GLIS3: variants seen among roughly 807,000 people sequenced by gnomAD.
GLIS3 encodes zinc finger protein GLIS3.
GLIS3 carries 53 observed loss-of-function variants against 78.6 expected under a neutral mutation model. The observed-to-expected ratio is 0.67, with a 90% CI of 0.54 to 0.85. The LOEUF is 0.85. Among genes scored for constraint, GLIS3 ranks in the 40% least tolerant of loss-of-function variants. The pLI, the probability that GLIS3 is intolerant of heterozygous loss-of-function variation, is 0.00. For synonymous variants in GLIS3, 684 were observed against 509.9 expected (o/e 1.34, Z -4.60); for missense variants, 1,703 against 1,231.1 (o/e 1.38, Z -5.74).
chr9:4,254,888 C>A (rs1824769176), intron 2 of GLIS3, among the ~76,000 whole-genome samples: 1 of 151,568 alleles, frequency 6.6e-6, no homozygotes, highest in Non-Finnish European at 1.5e-5. Context: ...TGACAGACAC[C>A]TTCAAGGGAA....
intron 9 of GLIS3, among the ~76,000 whole-genome samples, chr9:3,832,647 A>C (rs1818115171): frequency 1.3e-5 from 2 of 152,222 alleles, no homozygotes; most frequent in African/African-American, 4.8e-5. Context: ...AGGCACAGGC[A>C]AATATGGCAG....
chr9:4,396,681 A>G, the GLIS3 span, among the ~76,000 whole-genome samples: 1 of 152,214 alleles, frequency 6.6e-6, no homozygotes, highest in Non-Finnish European at 1.5e-5. Context: ...ATGAGAGGTA[A>G]GTAGCCCCTC....
At chr9:4,288,776 A>G (rs569907061) in intron 1 of GLIS3, among the ~76,000 whole-genome samples, 48 of 152,234 alleles carry the variant, frequency 3.2e-4, no homozygotes, top group African/African-American at 9.9e-4. Context: ...TTTTATTACT[A>G]AGAAAGCAAC....
intron 2 of GLIS3, among the ~76,000 whole-genome samples, chr9:4,228,235 G>A (rs1304408922): frequency 6.8e-6 from 1 of 147,848 alleles, no homozygotes. Flanking sequence ...GATGGGAACC[G>A]CTCTCATGAA....
At chr9:4,169,920 T>A (rs147451552) in intron 2 of GLIS3, among the ~76,000 whole-genome samples, 1 of 152,212 alleles carries the variant, frequency 6.6e-6, no homozygotes, top group Non-Finnish European at 1.5e-5. Context: ...TCAGTAAATA[T>A]TGACCAAATG....
At chr9:4,406,454 G>T in the GLIS3 span, among the ~76,000 whole-genome samples, 3 of 152,128 alleles carry the variant, frequency 2.0e-5, no homozygotes, top group Non-Finnish European at 4.4e-5. Context: ...CCAAGTAGCT[G>T]GGTTTACAGG....
chr9:4,040,435 T>C lies in GLIS3; in HGVS notation c.1710+77333A>G, dbSNP rs113051853. Among the ~76,000 whole-genome samples, 949 of 152,318 alleles carry C rather than the reference T, an allele frequency of 6.2e-3. 8 individuals carry two copies. The highest frequency in any genetic ancestry group is 0.01 in the Non-Finnish European group (701 of 68,032). ...CAAAGTCTCTTTCAATAACAAACTA[T>C]TACAGCGTGCTACATTTACGATAGA... On this transcript the variant is annotated intron_variant, in intron 4 of 10. Coordinates refer to ENST00000381971, the MANE Select transcript of GLIS3 (RefSeq NM_001042413.2).
At chr9:3,960,487 A>G (rs780026287) in intron 4 of GLIS3, among the ~76,000 whole-genome samples, 8 of 152,172 alleles carry the variant, frequency 5.3e-5, no homozygotes, top group Non-Finnish European at 1.0e-4. Context: ...GTCTCTTACT[A>G]TACCTATCCA....
intron 7 of GLIS3, among the ~76,000 whole-genome samples, chr9:3,888,729 C>A (rs549669222): frequency 1.3e-5 from 2 of 152,272 alleles, no homozygotes; most frequent in African/African-American, 4.8e-5. Flanking sequence ...GGCCATCAGG[C>A]GCTTCAGGTT....
chr9:3,882,310 T>A (rs960168776), intron 7 of GLIS3, among the ~76,000 whole-genome samples: 3 of 152,332 alleles, frequency 2.0e-5, no homozygotes, highest in South Asian at 2.1e-4. Flanking sequence ...TTGTTGACGG[T>A]TGCGCCATTG....
rs186494182 is a variant in GLIS3, at chr9:3,895,545, G to A, written c.2128+3146C>T. The stretch of plus-strand genomic sequence containing the variant: ...GTGATATTTGGCTGCTTTAACCTGG[G>A]ACGCTATTATCTTTCACAGAAATAA... On this transcript the variant is annotated intron_variant, in intron 7 of 10. Transcript: ENST00000381971. Among the ~76,000 whole-genome samples, 14 of 152,242 alleles carry A rather than the reference G, an allele frequency of 9.2e-5. No homozygotes were observed. In the South Asian group the frequency reaches 2.3e-3, roughly 25 times the overall value.
Position 3,828,296 on chromosome 9 carries a change from G to A in GLIS3, c.2769C>T (p.Leu923=), listed in dbSNP as rs142480455. The A allele has an allele frequency of 6.2e-7, 1 of 1,614,144 alleles. No homozygotes were observed. Among genetic ancestry groups the A allele is most frequent in the Non-Finnish European group, 8.5e-7 (1 of 1,180,022 alleles). ...ISTVDRCPSQ[L]SSVYTEG ...TTTAGCCTTCGGTGTAGACAGAGGAGAGCTGGCTAGGACAGCGGTCCACGG... is the reference window on the plus strand; with the variant it reads ...TTTAGCCTTCGGTGTAGACAGAGGAAAGCTGGCTAGGACAGCGGTCCACGG... The change falls in exon 11 of 11, where the codon CTC becomes CTT. Residue 923 remains leucine, a synonymous_variant. Coordinates refer to ENST00000381971, the MANE Select transcript of GLIS3 (RefSeq NM_001042413.2).
chr9:3,967,290 G>C lies in GLIS3; in HGVS notation c.1711-30101C>G, dbSNP rs559190336. ...AGACCGAGGCGGGCAGATCACCTAA[G>C]ATCAGGAGTTCAAGACCAGCCTGAC... On this transcript the variant is annotated intron_variant, in intron 4 of 10. Coordinates refer to ENST00000381971, the MANE Select transcript of GLIS3 (RefSeq NM_001042413.2). Among the ~76,000 whole-genome samples, 7 of 152,262 alleles carry C rather than the reference G, an allele frequency of 4.6e-5. No individual in the cohort carries two copies. In the East Asian group the frequency reaches 1.4e-3, roughly 29 times the overall value.
At chr9:4,008,229 A>G (rs1170191799) in intron 4 of GLIS3, among the ~76,000 whole-genome samples, 1 of 152,208 alleles carries the variant, frequency 6.6e-6, no homozygotes, top group African/African-American at 2.4e-5. Context: ...CAGTCCCAGC[A>G]ATACATCCTG....
intron 8 of GLIS3, among the ~76,000 whole-genome samples, chr9:3,873,648 C>T (rs73640779): frequency 0.029 from 4,402 of 151,046 alleles, 202 homozygotes; most frequent in African/African-American, 0.098. Context: ...TAAATTTGCA[C>T]AAAAATAAAA....
chr9:4,437,440 CT>C, the GLIS3 span, among the ~76,000 whole-genome samples: 1 of 148,592 alleles, frequency 6.7e-6, no homozygotes, highest in African/African-American at 2.5e-5. Context: ...ATCTATCTAT[CT>C]ATCTATCTAT....
the GLIS3 span, among the ~76,000 whole-genome samples, chr9:4,460,871 G>A: frequency 6.6e-6 from 1 of 152,158 alleles, no homozygotes; most frequent in South Asian, 2.1e-4. Context: ...AACGCCAAAT[G>A]AGCCCAATTA....
At chr9:4,192,412 T>A (rs564266470) in intron 2 of GLIS3, among the ~76,000 whole-genome samples, 3 of 152,238 alleles carry the variant, frequency 2.0e-5, no homozygotes, top group Non-Finnish European at 4.4e-5. Context: ...TAAGCATAGT[T>A]TAGTTTATAA....
chr9:4,279,549 G>C (rs1465466660), intron 2 of GLIS3, among the ~76,000 whole-genome samples: 1 of 151,586 alleles, frequency 6.6e-6, no homozygotes, highest in African/African-American at 2.4e-5. Flanking sequence ...CCTGGTTTAA[G>C]AAAAATAATG....
Sources: allele counts gnomAD v4.1 joint callset (sites outside exome capture counted in the v4.1 genomes callset), GRCh38; gene constraint gnomAD v4.1.1; transcripts MANE v1.5; gene names NCBI Gene and HGNC (gene_info 2026-07-23, HGNC 2026-07-21).